The following COL17A1 variants were observed in gnomAD, a reference collection of about 807,000 sequenced individuals.
The protein encoded by COL17A1 is collagen type XVII alpha 1 chain, also known as collagen alpha-1(XVII) chain.
In COL17A1, 181 loss-of-function variants were observed where a neutral mutation model predicts 218.4. The observed-to-expected ratio is 0.83, with a 90% confidence interval of 0.73 to 0.94. The LOEUF is 0.94. Ranked by LOEUF, COL17A1 falls within the 40% of genes least tolerant of loss-of-function variation. COL17A1 has a pLI of 0.00. For synonymous variants in COL17A1, 721 were observed against 731.0 expected (o/e 0.99, Z 0.22); for missense variants, 1,924 against 1,945.9 (o/e 0.99, Z 0.21).
intron 45 of COL17A1, among the ~76,000 whole-genome samples, chr10:104,038,092 C>T (rs1031386361): frequency 1.6e-4 from 24 of 152,144 alleles, no homozygotes; most frequent in African/African-American, 2.4e-4. Context: ...TGAGCACGTG[C>T]GCCAGCCTCC....
rs759447090 is a variant in COL17A1, at chr10:104,062,375, T to A, written c.839-46A>T. On this transcript the variant is annotated intron_variant, in intron 11 of 55. Coordinates refer to ENST00000648076, the MANE Select transcript of COL17A1 (RefSeq NM_000494.4). ...AGGTGAGTACAGGGAGCACGGGGGA[T>A]GCCCCCTGGCTTAGGACGGCCCCCA... The A allele has an allele frequency of 3.1e-6, 5 of 1,613,924 alleles. No homozygotes were observed. In the South Asian group the frequency reaches 5.5e-5, roughly 18 times the overall value.
chr10:104,078,426 A>C, intron 3 of COL17A1, 116 bp downstream of exon 3: 1 of 1,263,118 alleles, frequency 7.9e-7, no homozygotes. Flanking sequence ...AATTAATGTC[A>C]ATATAGCTGT....
intron 7 of COL17A1, 28 bp downstream of exon 7, chr10:104,073,182 T>A: frequency 2.5e-6 from 4 of 1,607,598 alleles, no homozygotes; most frequent in Non-Finnish European, 3.4e-6. Flanking sequence ...GTTGAATGAA[T>A]TGGACTGAAC....
chr10:104,074,824 T>C (rs1208767168), intron 5 of COL17A1, among the ~76,000 whole-genome samples: 7 of 152,222 alleles, frequency 4.6e-5, no homozygotes, highest in Non-Finnish European at 1.0e-4. Context: ...CTAGAGTGTC[T>C]GGGCCTTACT....
At chr10:104,035,709 A>C (rs2086273753) in intron 48 of COL17A1, 146 bp from the exon 49 acceptor site, 1 of 679,644 alleles carries the variant, frequency 1.5e-6, no homozygotes, top group Non-Finnish European at 2.5e-6. Context: ...AGAGAGGAGG[A>C]GCCCAAAGGA....
chr10:104,037,130 C>T lies in COL17A1; in HGVS notation c.3209-17G>A. 6.3e-7 allele frequency: 1 copy of T among 1,594,886 alleles called. No homozygotes were observed. The highest frequency in any genetic ancestry group is 1.3e-5 in the African/African-American group (1 of 74,790). Reference sequence around the variant, plus strand: ...ACCCCGAAGCTGTCGGGAAGAAAACCTCAGGTTACCTGCTTAGCAGGTACT... The same window carrying T: ...ACCCCGAAGCTGTCGGGAAGAAAACTTCAGGTTACCTGCTTAGCAGGTACT... On this transcript the variant is annotated splice_polypyrimidine_tract_variant and intron_variant, in intron 46 of 55. Transcript: ENST00000648076.
intron 39 of COL17A1, among the ~76,000 whole-genome samples, chr10:104,040,696 T>C (rs898618010): frequency 1.3e-5 from 2 of 152,154 alleles, no homozygotes; most frequent in African/African-American, 4.8e-5. Context: ...TCTGGCCTAA[T>C]GTTTGCTTTA....
In COL17A1 at chr10:104,040,019, A is replaced by G. The variant is rs777448706; in HGVS notation, c.2762-20T>C. ...GGGGACCTGAGGGAAAAAGGCAGAG[A>G]GCTATGAGACAGGTACCAACCAGGT... On this transcript the variant is annotated intron_variant, in intron 40 of 55. Coordinates refer to ENST00000648076, the MANE Select transcript of COL17A1 (RefSeq NM_000494.4). 3.7e-6 allele frequency: 6 copies of G among 1,613,848 alleles called. No individual in the cohort carries two copies. Among genetic ancestry groups the G allele is most frequent in the Non-Finnish European group, 4.2e-6 (5 of 1,179,964 alleles).
chr10:104,063,338 A>G (rs899103869), intron 11 of COL17A1, among the ~76,000 whole-genome samples: 2 of 152,240 alleles, frequency 1.3e-5, no homozygotes, highest in Non-Finnish European at 2.9e-5. Flanking sequence ...ACTCCAACAA[A>G]CTATGTGTTA....
Position 104,034,643 on chromosome 10 carries a change from G to C in COL17A1, c.3744C>G (p.Ser1248Arg), listed in dbSNP as rs768977221. ...TACTTGTGAGGTAGCTGATCAGCTCGCTCCGGAAGCTGTCGCTGTTTTCAG... is the reference window on the plus strand; with the variant it reads ...TACTTGTGAGGTAGCTGATCAGCTCCCTCCGGAAGCTGTCGCTGTTTTCAG... Reference protein sequence around the residue: ...YAAENSDSFRSELISYLTSPD... With the variant: ...YAAENSDSFRRELISYLTSPD... The change falls in exon 51 of 56, where the codon AGC becomes AGG. Residue 1248 changes from serine (S) to arginine (R), a missense_variant. Physicochemically the swap from Ser to Arg is moderately radical, Grantham distance 110. Coordinates refer to ENST00000648076, the MANE Select transcript of COL17A1 (RefSeq NM_000494.4). 1.2e-6 allele frequency: 2 copies of C among 1,610,156 alleles called. No individual in the cohort carries two copies. Among genetic ancestry groups the C allele is most frequent in the South Asian group, 1.1e-5 (1 of 89,960 alleles).
At chr10:104,055,258 T>C in intron 19 of COL17A1, 114 bp downstream of exon 19, 1 of 1,551,728 alleles carries the variant, frequency 6.4e-7, no homozygotes, top group Admixed American at 1.7e-5. Context: ...CATAAGATCA[T>C]TCAGCTCTTC....
Position 104,040,350 on chromosome 10 carries a change from C to T in COL17A1, c.2761+1G>A. ...TGGGTTCCCTGATACACTGTTCTCA[C>T]CTTGGTCTCCCTTGGGACCTGGGGG... On this transcript the variant is annotated splice_donor_variant, in intron 40 of 55. Transcript: ENST00000648076. LOFTEE classifies it high-confidence loss of function. 1 of 1,603,326 alleles carries T rather than the reference C, an allele frequency of 6.2e-7. No homozygotes were observed. Among genetic ancestry groups the T allele is most frequent in the Non-Finnish European group, 8.5e-7 (1 of 1,170,110 alleles).
chr10:104,058,200 C>T lies in COL17A1; in HGVS notation c.1223-10G>A. The T allele has an allele frequency of 6.2e-7, 1 of 1,614,192 alleles. No individual in the cohort carries two copies. The highest frequency in any genetic ancestry group is 8.5e-7 in the Non-Finnish European group (1 of 1,180,014). ...ACAGTCTTCAGGTCTCCTGAAAGGACAAACAGATTGACCTGAGCTTTTAAA... is the reference window on the plus strand; with the variant it reads ...ACAGTCTTCAGGTCTCCTGAAAGGATAAACAGATTGACCTGAGCTTTTAAA... On this transcript the variant is annotated splice_polypyrimidine_tract_variant and intron_variant, in intron 15 of 55. Coordinates refer to ENST00000648076, the MANE Select transcript of COL17A1 (RefSeq NM_000494.4).
At chr10:104,058,742 G>A (rs2086554808) in intron 15 of COL17A1, among the ~76,000 whole-genome samples, 1 of 152,098 alleles carries the variant, frequency 6.6e-6, no homozygotes, top group Non-Finnish European at 1.5e-5. Context: ...GACCAGCCTG[G>A]CCAACATGGT....
In COL17A1 at chr10:104,052,203, G is replaced by C. The variant is rs749041987; in HGVS notation, c.1954C>G (p.Pro652Ala). The change falls in exon 24 of 56, where the codon CCA (proline) becomes GCA (alanine). Residue 652 changes from proline to alanine, a missense_variant. Physicochemically the swap from Pro to Ala is conservative, Grantham distance 27. Transcript: ENST00000648076. ...ACACCAGGTGGGCCATGAGGACCTG[G>C]TTCACCAGCAGCCCCTGAGGAGAAA... ...EKGERGAAGEPGPHGPPGVPG... is the reference protein window; with the variant it reads ...EKGERGAAGEAGPHGPPGVPG... The C allele has an allele frequency of 2.5e-6, 4 of 1,614,150 alleles. No individual in the cohort carries two copies. The highest frequency in any genetic ancestry group is 3.4e-6 in the Non-Finnish European group (4 of 1,180,012).
intron 25 of COL17A1, 106 bp from the exon 26 acceptor site, chr10:104,051,007 C>A: frequency 6.4e-7 from 1 of 1,563,494 alleles, no homozygotes; most frequent in Non-Finnish European, 8.7e-7. Flanking sequence ...TATGCACACA[C>A]CCTATAGTAA....
chr10:104,082,510 A>G (rs1225331623), intron 1 of COL17A1, among the ~76,000 whole-genome samples: 1 of 152,238 alleles, frequency 6.6e-6, no homozygotes, highest in Non-Finnish European at 1.5e-5. Context: ...TGGGGAGGTG[A>G]CTAGCTTTCT....
intron 17 of COL17A1, among the ~76,000 whole-genome samples, chr10:104,056,576 C>T (rs1046525755): frequency 3.4e-4 from 24 of 70,852 alleles, no homozygotes; most frequent in Admixed American, 1.9e-3. Context: ...AACGAGACGC[C>T]GTCTCAAAAA....
At chr10:104,079,577 G>A (rs997517952) in intron 2 of COL17A1, among the ~76,000 whole-genome samples, 7 of 152,160 alleles carry the variant, frequency 4.6e-5, no homozygotes, top group Non-Finnish European at 1.0e-4. Context: ...AATTAGTTTG[G>A]TTGTCCTAGC....
Sources: gnomAD v4.1 joint callset for allele counts (sites outside exome capture counted in the v4.1 genomes callset) on GRCh38, gnomAD v4.1.1 for gene constraint, MANE v1.5 for transcripts, NCBI Gene and HGNC (gene_info 2026-07-23, HGNC 2026-07-21) for gene names.